The following CSMD1 variants were observed in gnomAD, a reference collection of about 807,000 sequenced individuals.
The protein encoded by CSMD1 is CUB and sushi domain-containing protein 1.
In CSMD1, 213 loss-of-function variants were observed where a neutral mutation model predicts 417.5. That is an observed-to-expected ratio of 0.51 (90% CI 0.46 to 0.57). The LOEUF (loss-of-function observed/expected upper bound fraction) is 0.57. CSMD1 is among the 20% of genes least tolerant of loss of function. The pLI is 0.00. For synonymous variants in CSMD1, 2,862 were observed against 1,736.8 expected, an observed-to-expected ratio of 1.65 and a Z score of -16.11; for missense variants, 6,923 against 4,529.7, an observed-to-expected ratio of 1.53 and a Z score of -15.17.
chr8:4,745,527 G>A (rs1212557666), intron 1 of CSMD1, among the ~76,000 whole-genome samples: 1 of 152,074 alleles, frequency 6.6e-6, no homozygotes, highest in Non-Finnish European at 1.5e-5. Context: ...AACCCATTCA[G>A]GCTTTTGTTT....
intron 1 of CSMD1, among the ~76,000 whole-genome samples, chr8:4,894,438 A>G (rs9314548): frequency 0.89 from 134,798 of 151,670 alleles, 60,440 homozygotes; most frequent in East Asian, 0.97. Flanking sequence ...TTGCTTTAAG[A>G]GCTGCTTGGG....
chr8:3,071,830 T>A (rs896975698), intron 49 of CSMD1, among the ~76,000 whole-genome samples: 1 of 152,172 alleles, frequency 6.6e-6, no homozygotes, highest in African/African-American at 2.4e-5. Flanking sequence ...TATAATTTGG[T>A]CACCAAACCT....
At chr8:3,252,704 G>T (rs1002369351) in intron 26 of CSMD1, among the ~76,000 whole-genome samples, 1 of 152,170 alleles carries the variant, frequency 6.6e-6, no homozygotes, top group Middle Eastern at 3.4e-3. Flanking sequence ...ACTTTTTTTA[G>T]GTTGGTAAGC....
rs150888773 is a variant in CSMD1 at position 3,871,031 on chromosome 8, A to G, written c.819-116989T>C. ...ATTTTTTTAAAAAAATTCAATACAT[A>G]TAAATCTCCATCTTTGTGTATTATT... On this transcript the variant is annotated intron_variant, in intron 5 of 69. Coordinates refer to ENST00000635120, the MANE Select transcript of CSMD1 (RefSeq NM_033225.6). 4.6e-3 allele frequency among the ~76,000 whole-genome samples: 704 copies of G among 152,204 alleles called. 5 individuals are homozygous for G. The highest frequency in any genetic ancestry group is 0.016 in the African/African-American group (667 of 41,570).
chr8:3,327,247 A>G (rs1354809870), intron 23 of CSMD1, among the ~76,000 whole-genome samples: 1 of 151,658 alleles, frequency 6.6e-6, no homozygotes, highest in East Asian at 1.9e-4. Context: ...GGTTCACGCC[A>G]TTCTCCTGCC....
chr8:4,626,697 A>G (rs1432200386), intron 2 of CSMD1, among the ~76,000 whole-genome samples: 1 of 151,974 alleles, frequency 6.6e-6, no homozygotes, highest in Non-Finnish European at 1.5e-5. Flanking sequence ...TCTTGCAAAG[A>G]CGTCTCCCCA....
At chr8:3,919,678 T>G (rs1423938103) in intron 5 of CSMD1, among the ~76,000 whole-genome samples, 4 of 152,158 alleles carry the variant, frequency 2.6e-5, no homozygotes, top group African/African-American at 7.2e-5. Flanking sequence ...AAAATGCCAT[T>G]GGAATTTTGA....
chr8:4,114,905 G>T, intron 3 of CSMD1, among the ~76,000 whole-genome samples: 1 of 152,160 alleles, frequency 6.6e-6, no homozygotes, highest in East Asian at 1.9e-4. Flanking sequence ...TTCCAGATAA[G>T]ATAGGAAAAT....
intron 1 of CSMD1, among the ~76,000 whole-genome samples, chr8:4,834,074 G>A (rs1217955448): frequency 6.6e-6 from 1 of 151,906 alleles, no homozygotes; most frequent in African/African-American, 2.4e-5. Context: ...TTTTACTATT[G>A]GACTCCTAGA....
intron 1 of CSMD1, among the ~76,000 whole-genome samples, chr8:4,757,774 C>T (rs1409149401): frequency 1.3e-5 from 2 of 151,966 alleles, no homozygotes; most frequent in African/African-American, 4.8e-5. Context: ...GCCTGGCCAA[C>T]ATGGTGAAAC....
At chr8:3,219,888 A>G (rs1798101766) in intron 28 of CSMD1, among the ~76,000 whole-genome samples, 1 of 152,174 alleles carries the variant, frequency 6.6e-6, no homozygotes, top group African/African-American at 2.4e-5. Flanking sequence ...AAATATTGGA[A>G]TAGTCAGTAG....
intron 40 of CSMD1, among the ~76,000 whole-genome samples, chr8:3,144,799 G>T (rs1039975167): frequency 1.4e-5 from 2 of 138,436 alleles, no homozygotes; most frequent in Admixed American, 7.1e-5. Flanking sequence ...CAACAAGGGG[G>T]GGGGGGAGGG....
At chr8:4,690,421 G>T (rs544539327) in intron 1 of CSMD1, among the ~76,000 whole-genome samples, 1 of 152,184 alleles carries the variant, frequency 6.6e-6, no homozygotes, top group South Asian at 2.1e-4. Context: ...ATATTCAACA[G>T]CCAAAAAAGA....
rs1008181995 is a variant in CSMD1, at chr8:3,574,947, T to G, written c.1342A>C (p.Lys448Gln). 56 of 1,612,040 alleles carry G rather than the reference T, an allele frequency of 3.5e-5. 1 individual carries two copies. Among genetic ancestry groups the G allele is most frequent in the Non-Finnish European group, 4.6e-5 (54 of 1,179,650 alleles). Reference protein sequence around the residue: ...VWVITTTDPDKVIKLAFEEFE... With the variant: ...VWVITTTDPDQVIKLAFEEFE... Reference sequence around the variant, plus strand: ...AGGGGTTGGAGGCGGAGCCTTACCTTGTCCGGGTCGGTGGTGGTGATGACC... The same window carrying G: ...AGGGGTTGGAGGCGGAGCCTTACCTGGTCCGGGTCGGTGGTGGTGATGACC... Residue 448 changes from lysine to glutamine, a missense_variant and splice_region_variant, in exon 10 of 70, where the codon AAG becomes CAG. Coordinates refer to ENST00000635120, the MANE Select transcript of CSMD1 (RefSeq NM_033225.6).
chr8:4,341,288 AG>A (rs751255783), intron 3 of CSMD1, among the ~76,000 whole-genome samples: 39 of 152,248 alleles, frequency 2.6e-4, no homozygotes, highest in Non-Finnish European at 4.4e-4. Flanking sequence ...GGCATATTTC[AG>A]GCTCAAATAT....
At chr8:3,865,400 C>T (rs1176365623) in intron 5 of CSMD1, among the ~76,000 whole-genome samples, 3 of 152,128 alleles carry the variant, frequency 2.0e-5, no homozygotes, top group Non-Finnish European at 4.4e-5. Context: ...TCCCTGGGCT[C>T]CTTGCACAGC....
intron 25 of CSMD1, among the ~76,000 whole-genome samples, chr8:3,296,875 G>C (rs896985589): frequency 6.6e-6 from 1 of 152,174 alleles, no homozygotes; most frequent in African/African-American, 2.4e-5. Context: ...TTGTCAACTA[G>C]ACATAGATGG....
intron 50 of CSMD1, among the ~76,000 whole-genome samples, chr8:3,049,711 T>A (rs1242703918): frequency 6.6e-6 from 1 of 152,048 alleles, no homozygotes; most frequent in Non-Finnish European, 1.5e-5. Context: ...TACACATTTG[T>A]CCAAGCCCAC....
intron 1 of CSMD1, among the ~76,000 whole-genome samples, chr8:4,724,272 A>G (rs1563223916): frequency 6.6e-6 from 1 of 152,138 alleles, no homozygotes; most frequent in Non-Finnish European, 1.5e-5. Flanking sequence ...GAATACTGAT[A>G]TATAAGCTAT....
Sources: allele counts gnomAD v4.1 joint callset (sites outside exome capture counted in the v4.1 genomes callset), GRCh38; gene constraint gnomAD v4.1.1; transcripts MANE v1.5; gene names NCBI Gene and HGNC (gene_info 2026-07-23, HGNC 2026-07-21).